Variants in PUM2 observed in about 807,000 individuals in gnomAD.
PUM2 encodes pumilio homolog 2.
PUM2 carries 57 observed loss-of-function variants against 124.5 expected under a neutral mutation model. The observed-to-expected ratio is 0.46, with a 90% CI of 0.37 to 0.57. The LOEUF is 0.57. PUM2 is among the 20% of genes least tolerant of loss of function. PUM2 has a pLI of 0.00. For missense variants in PUM2, 1,065 were observed against 1,290.6 expected, an observed-to-expected ratio of 0.83 and a Z score of 2.68; for synonymous variants, 460 against 446.1, an observed-to-expected ratio of 1.03 and a Z score of -0.39.
intron 13 of PUM2, among the ~76,000 whole-genome samples, chr2:20,278,195 C>T (rs971005206): frequency 4.6e-5 from 7 of 152,082 alleles, no homozygotes; most frequent in African/African-American, 1.7e-4. Context: ...GTGTACTAAC[C>T]TAGTTCAGTA....
intron 1 of PUM2, chr2:20,350,312 C>G (rs1689068151): frequency 3.4e-6 from 1 of 295,708 alleles, no homozygotes; most frequent in Admixed American, 6.5e-5. Context: ...GGAGGGAGAA[C>G]CGGGTCGGCG....
upstream of PUM2, among the ~76,000 whole-genome samples, chr2:20,351,759 G>T (rs932844356): frequency 2.6e-4 from 39 of 152,268 alleles, no homozygotes; most frequent in African/African-American, 8.7e-4. Flanking sequence ...GCTGCACTTC[G>T]TAAATATTCA....
chr2:20,269,693 C>T (rs1250959548), intron 13 of PUM2, among the ~76,000 whole-genome samples: 1 of 152,140 alleles, frequency 6.6e-6, no homozygotes, highest in Non-Finnish European at 1.5e-5. Flanking sequence ...TGCAAGCAAA[C>T]ATTAGATGCA....
Position 20,350,343 on chromosome 2 carries a change from G to T in PUM2, c.-19+254C>A, listed in dbSNP as rs974477671. ...CGGCGCCCCACGCCCCCGAGGCGGC[G>T]GCCCCGCAGAGGGAAGGAAGCGGGA... On this transcript the variant is annotated intron_variant, in intron 1 of 20. Transcript: ENST00000361078. 12 of 521,612 alleles carry T rather than the reference G, an allele frequency of 2.3e-5. No homozygotes were observed. In the Middle Eastern group the frequency reaches 3.9e-3, roughly 171 times the overall value. 32.3% of individuals were successfully genotyped at this position (521,612 alleles called of 1,614,324 possible). A position where few individuals can be genotyped will look rare whatever the true frequency, so the allele number is the denominator to read the frequency against.
intron 8 of PUM2, among the ~76,000 whole-genome samples, chr2:20,296,561 A>C (rs766161021): frequency 4.6e-5 from 7 of 152,016 alleles, no homozygotes; most frequent in East Asian, 1.9e-4. Context: ...CAAACTGATT[A>C]GTGACAATAT....
At chr2:20,322,639 C>T (rs1286050857) in intron 2 of PUM2, among the ~76,000 whole-genome samples, 3 of 151,608 alleles carry the variant, frequency 2.0e-5, no homozygotes, top group Non-Finnish European at 2.9e-5. Context: ...AATGTCTCTA[C>T]AAAAAATATA....
At chr2:20,340,913 G>A (rs1422884190) in intron 1 of PUM2, among the ~76,000 whole-genome samples, 4 of 152,196 alleles carry the variant, frequency 2.6e-5, no homozygotes, top group Non-Finnish European at 5.9e-5. Flanking sequence ...CCCTCATAGG[G>A]CTGTTGCAAA....
At chr2:20,346,729 G>A (rs1409402508) in intron 1 of PUM2, among the ~76,000 whole-genome samples, 2 of 151,878 alleles carry the variant, frequency 1.3e-5, no homozygotes, top group Non-Finnish European at 2.9e-5. Context: ...CTTCCCTACC[G>A]CCCCGCCATG....
Position 20,278,571 on chromosome 2 carries a change from T to G in PUM2, c.1957+12A>C, listed in dbSNP as rs762207632. The G allele has an allele frequency of 1.2e-5, 16 of 1,371,712 alleles. No homozygotes were observed. Among genetic ancestry groups the G allele is most frequent in the Admixed American group, 4.0e-5 (2 of 50,314 alleles). 85.0% of individuals were successfully genotyped at this position (1,371,712 alleles called of 1,614,324 possible). A position where few individuals can be genotyped will look rare whatever the true frequency, so the allele number is the denominator to read the frequency against. ...TACATACAAATAAAAAGGGTTTTGG[T>G]TTTTTTTTTACCTAAATGCAAACTG... On this transcript the variant is annotated intron_variant, in intron 13 of 20. Transcript: ENST00000361078.
intron 13 of PUM2, 144 bp downstream of exon 13, chr2:20,278,439 T>G: frequency 1.4e-6 from 1 of 705,782 alleles, no homozygotes; most frequent in East Asian, 2.8e-5. Context: ...AAAGTAGAAC[T>G]TTTTCAAAAG....
rs182220406 is a variant in PUM2 at position 20,270,663 on chromosome 2, T to C, written c.1958-7203A>G. On this transcript the variant is annotated intron_variant, in intron 13 of 20. Transcript: ENST00000361078. ...GCACACTGAACAAAGAAAACACTGA[T>C]TGAGAACAGCCAAATAATGCTTTAA... 1.8e-3 allele frequency among the ~76,000 whole-genome samples: 273 copies of C among 152,282 alleles called. 1 individual carries two copies. Among genetic ancestry groups the C allele is most frequent in the African/African-American group, 6.1e-3 (253 of 41,562 alleles).
intron 10 of PUM2, among the ~76,000 whole-genome samples, chr2:20,290,409 A>G (rs1673748556): frequency 6.6e-6 from 1 of 151,782 alleles, no homozygotes. Flanking sequence ...CTATAAAAAA[A>G]TGGCTGTGTT....
chr2:20,319,760 C>CA (rs1681859797), intron 2 of PUM2, among the ~76,000 whole-genome samples: 1 of 152,150 alleles, frequency 6.6e-6, no homozygotes, highest in Non-Finnish European at 1.5e-5. Context: ...GCAAAGCTAA[C>CA]AGATGCTGGC....
At chr2:20,292,796 T>C (rs1674520437) in intron 9 of PUM2, among the ~76,000 whole-genome samples, 1 of 152,018 alleles carries the variant, frequency 6.6e-6, no homozygotes, top group Non-Finnish European at 1.5e-5. Flanking sequence ...CCAGGCATGA[T>C]GGCACGTGCC....
intron 20 of PUM2, among the ~76,000 whole-genome samples, chr2:20,253,161 G>C (rs758381463): frequency 1.3e-5 from 2 of 152,108 alleles, no homozygotes; most frequent in African/African-American, 4.8e-5. Context: ...TAAAACATAG[G>C]TAACAGATGA....
intron 2 of PUM2, among the ~76,000 whole-genome samples, chr2:20,322,529 G>A (rs1356424900): frequency 2.6e-5 from 4 of 152,150 alleles, no homozygotes; most frequent in African/African-American, 9.7e-5. Flanking sequence ...AGGATGGAAT[G>A]AGCCTGGGAG....
In PUM2 at chr2:20,259,942, T is replaced by C. The variant is rs140738230; in HGVS notation, c.2355+395A>G. On this transcript the variant is annotated intron_variant, in intron 15 of 20. Transcript: ENST00000361078. Reference sequence around the variant, plus strand: ...TCCATATCCTCATCCACATTTGTTATTTTCCGATTTTATGTTTTCCGATTA... The same window carrying C: ...TCCATATCCTCATCCACATTTGTTACTTTCCGATTTTATGTTTTCCGATTA... Among the ~76,000 whole-genome samples, 105 of 152,366 alleles carry C rather than the reference T, an allele frequency of 6.9e-4. 1 individual carries two copies. Among genetic ancestry groups the C allele is most frequent in the African/African-American group, 2.5e-3 (102 of 41,588 alleles).
At chr2:20,323,539 T>TTATCAAACA (rs1162247762) in intron 2 of PUM2, among the ~76,000 whole-genome samples, 4 of 152,104 alleles carry the variant, frequency 2.6e-5, no homozygotes, top group Non-Finnish European at 5.9e-5. Context: ...TCCTTTACTG[T>TTATCAAACA]TATCAAACAT....
intron 18 of PUM2, 67 bp downstream of exon 18, chr2:20,255,149 T>C (rs558542308): frequency 1.2e-4 from 177 of 1,514,752 alleles, no homozygotes; most frequent in African/African-American, 4.3e-4. Context: ...ACAAATTGTA[T>C]TTCTTTTAAA....
Sources: gnomAD v4.1 joint callset for allele counts (sites outside exome capture counted in the v4.1 genomes callset) on GRCh38, gnomAD v4.1.1 for gene constraint, MANE v1.5 for transcripts, NCBI Gene and HGNC (gene_info 2026-07-23, HGNC 2026-07-21) for gene names.